The following ING5 variants were observed in gnomAD, a reference collection of about 807,000 sequenced individuals.
ING5 encodes the protein inhibitor of growth protein 5.
In ING5, 17 loss-of-function variants were observed where a neutral mutation model predicts 37.4. That is an observed-to-expected ratio of 0.45 (90% CI 0.31 to 0.68). The LOEUF (loss-of-function observed/expected upper bound fraction) is 0.68. Ranked by LOEUF, ING5 falls within the 30% of genes least tolerant of loss-of-function variation. The pLI, the probability that ING5 is intolerant of heterozygous loss-of-function variation, is 0.05. For synonymous variants in ING5, 123 were observed against 116.6 expected (o/e 1.06, Z -0.36); for missense variants, 233 against 311.9 (o/e 0.75, Z 1.91).
chr2:241,702,672 C>G (rs961910757), intron 1 of ING5, among the ~76,000 whole-genome samples: 11 of 152,216 alleles, frequency 7.2e-5, no homozygotes, highest in Non-Finnish European at 1.5e-4. Context: ...AGGGCGGTGC[C>G]GAGTCGGCCC....
At chr2:241,703,220 G>C (rs1360793297) in intron 1 of ING5, among the ~76,000 whole-genome samples, 1 of 152,194 alleles carries the variant, frequency 6.6e-6, no homozygotes, top group Non-Finnish European at 1.5e-5. Flanking sequence ...TGTGCCAGCC[G>C]GGAGGCTGTG....
chr2:241,705,212 C>T (rs1179049616), intron 2 of ING5, among the ~76,000 whole-genome samples: 1 of 151,736 alleles, frequency 6.6e-6, no homozygotes, highest in Non-Finnish European at 1.5e-5. Context: ...GTAGCTGGGA[C>T]TACAGGTGCC....
chr2:241,709,130 C>T (rs7595652), intron 2 of ING5, 86 bp from the exon 3 acceptor site: 595,037 of 1,405,334 alleles, frequency 0.42, 132,281 homozygotes, highest in Middle Eastern at 0.5. Flanking sequence ...CACAACTTGG[C>T]GTTGGCTGAC....
chr2:241,702,263 G>A (rs1161847023), intron 1 of ING5, among the ~76,000 whole-genome samples, 161 bp downstream of exon 1: 1 of 147,364 alleles, frequency 6.8e-6, no homozygotes, highest in Non-Finnish European at 1.5e-5. Flanking sequence ...GGGCAGGGCC[G>A]CAAGGGAGGG....
chr2:241,699,040 G>T (rs539378231), upstream of ING5, among the ~76,000 whole-genome samples: 21 of 131,642 alleles, frequency 1.6e-4, no homozygotes, highest in East Asian at 2.3e-4. Flanking sequence ...TTTTTTTTTG[G>T]GGGGGGAGGG....
chr2:241,695,694 T>C (rs770179356), intron 2 of ING5, among the ~76,000 whole-genome samples: 1 of 151,722 alleles, frequency 6.6e-6, no homozygotes, highest in Non-Finnish European at 1.5e-5. Flanking sequence ...TAAAAAAAAA[T>C]GGTTCTTTTA....
intron 5 of ING5, chr2:241,721,509 A>C (rs982774506): frequency 2.0e-6 from 2 of 985,330 alleles, no homozygotes; most frequent in Admixed American, 6.1e-5. Flanking sequence ...TGTACAGGCA[A>C]TTGCAAAGGC....
intron 2 of ING5, among the ~76,000 whole-genome samples, chr2:241,707,960 C>T (rs916782404): frequency 2.0e-5 from 3 of 152,102 alleles, no homozygotes; most frequent in Non-Finnish European, 2.9e-5. Context: ...TGCAGTGGCA[C>T]GGTCTCGGCT....
chr2:241,710,330 C>T (rs934956986), intron 3 of ING5, among the ~76,000 whole-genome samples: 1 of 151,448 alleles, frequency 6.6e-6, no homozygotes, highest in Non-Finnish European at 1.5e-5. Context: ...TGAGACAGGG[C>T]CTCACTGTGT....
At chr2:241,701,613 G>C (rs1047662557), upstream of ING5, among the ~76,000 whole-genome samples, 28 of 152,280 alleles carry the variant, frequency 1.8e-4, no homozygotes, top group East Asian at 4.8e-3. Flanking sequence ...GTCCCAAGGA[G>C]CCTTCGGGAA....
chr2:241,699,491 G>A (rs2069681689), upstream of ING5, among the ~76,000 whole-genome samples: 1 of 152,054 alleles, frequency 6.6e-6, no homozygotes, highest in South Asian at 2.1e-4. Flanking sequence ...GCTCACTGCA[G>A]CCTAGACCTC....
chr2:241,725,508 C>T lies in ING5; in HGVS notation c.*477C>T, dbSNP rs1691583345. 6.5e-6 allele frequency: 1 copy of T among 152,746 alleles called. No individual in the cohort carries two copies. Among genetic ancestry groups the T allele is most frequent in the South Asian group, 2.0e-4 (1 of 4,910 alleles). 9.5% of individuals were successfully genotyped at this position (152,746 alleles called of 1,614,324 possible). A position where few individuals can be genotyped will look rare whatever the true frequency, so the allele number is the denominator to read the frequency against. The stretch of plus-strand genomic sequence containing the variant: ...GCCGTGGCGGCGGCTGCCCTCCTCA[C>T]ACTCGGCTCCGCGCCGCCTCCGGCC... On this transcript the variant is annotated 3_prime_UTR_variant, in exon 8 of 8. Transcript: ENST00000313552.
chr2:241,711,229 A>C (rs1322213475), intron 3 of ING5, 148 bp from the exon 4 acceptor site: 1 of 475,420 alleles, frequency 2.1e-6, no homozygotes, highest in African/African-American at 2.0e-5. Context: ...GGACTTTGAA[A>C]TAGTGGGCCT....
chr2:241,715,558 C>T (rs563598759), intron 5 of ING5, among the ~76,000 whole-genome samples: 151 of 145,370 alleles, frequency 1.0e-3, no homozygotes, highest in Admixed American at 3.0e-3. Context: ...TCTTGGCTCA[C>T]TGCAACCTCC....
intron 2 of ING5, among the ~76,000 whole-genome samples, chr2:241,706,173 A>G (rs144454319): frequency 0.021 from 3,234 of 152,102 alleles, 112 homozygotes; most frequent in African/African-American, 0.074. Context: ...TTCCATGCCA[A>G]CTGCACACTT....
At chr2:241,689,672 G>C (rs1457539942) in intron 1 of ING5, among the ~76,000 whole-genome samples, 1 of 152,212 alleles carries the variant, frequency 6.6e-6, no homozygotes, top group African/African-American at 2.4e-5. Context: ...TCGTGATTTC[G>C]AGTCACTGAG....
chr2:241,699,137 G>A (rs2069677026), upstream of ING5, among the ~76,000 whole-genome samples: 1 of 151,774 alleles, frequency 6.6e-6, no homozygotes, highest in Non-Finnish European at 1.5e-5. Flanking sequence ...TGATTCTCCT[G>A]CCTCAGGCTC....
intron 7 of ING5, among the ~76,000 whole-genome samples, chr2:241,724,418 G>A (rs1691525361): frequency 6.6e-6 from 1 of 152,238 alleles, no homozygotes; most frequent in African/African-American, 2.4e-5. Flanking sequence ...GCCAGGCGGT[G>A]GTTGACGGTT....
upstream of ING5, among the ~76,000 whole-genome samples, chr2:241,697,821 G>A (rs1031500196): frequency 2.6e-5 from 4 of 152,136 alleles, no homozygotes; most frequent in South Asian, 4.1e-4. Flanking sequence ...GGTGGCTCAC[G>A]CCCGTAATCC....
Sources: allele counts gnomAD v4.1 joint callset (sites outside exome capture counted in the v4.1 genomes callset), GRCh38; gene constraint gnomAD v4.1.1; transcripts MANE v1.5; gene names NCBI Gene and HGNC (gene_info 2026-07-23, HGNC 2026-07-21).